SGTA: variants seen among roughly 807,000 people sequenced by gnomAD.
SGTA encodes the protein small glutamine rich tetratricopeptide repeat co-chaperone alpha, also known as small glutamine-rich tetratricopeptide repeat-containing protein alpha.
SGTA carries 22 observed loss-of-function variants against 44.3 expected under a neutral mutation model. The observed-to-expected ratio is 0.50, with a 90% CI of 0.36 to 0.71. The LOEUF (loss-of-function observed/expected upper bound fraction) is 0.71, where lower values mean the gene tolerates loss of function less well. Among genes scored for constraint, SGTA ranks in the 30% least tolerant of loss-of-function variants. The probability of loss-of-function intolerance (pLI) is 0.00; values close to 1 mark genes in which losing one functional copy is unlikely to be tolerated. For missense variants in SGTA, 341 were observed against 435.9 expected, an observed-to-expected ratio of 0.78 and a Z score of 1.94; for synonymous variants, 174 against 177.6, an observed-to-expected ratio of 0.98 and a Z score of 0.16.
At chr19:2,766,007 A>G (rs1915131734) in intron 4 of SGTA, among the ~76,000 whole-genome samples, 4 of 152,184 alleles carry the variant, frequency 2.6e-5, no homozygotes, top group South Asian at 4.1e-4. Context: ...TCGCAAGATC[A>G]GGAGACCAAG....
chr19:2,766,996 CCCA>C, intron 4 of SGTA, 137 bp downstream of exon 4: 2 of 702,554 alleles, frequency 2.8e-6, no homozygotes, highest in Non-Finnish European at 5.2e-6. Context: ...CGTCCCCGTC[CCCA>C]CAAGCCAGCG....
chr19:2,769,809 T>G (rs1191786339), intron 1 of SGTA, among the ~76,000 whole-genome samples: 23 of 45,964 alleles, frequency 5.0e-4, no homozygotes, highest in East Asian at 2.3e-3. Flanking sequence ...TTCCCCCACC[T>G]GACACCCTCC....
intron 11 of SGTA, among the ~76,000 whole-genome samples, chr19:2,756,606 G>A (rs1914824713): frequency 6.6e-6 from 1 of 152,182 alleles, no homozygotes; most frequent in Admixed American, 6.5e-5. Flanking sequence ...GGAGCAGAAT[G>A]GAAACACCTC....
In SGTA at chr19:2,755,337, A is replaced by G; in HGVS notation, c.*603T>C. On this transcript the variant is annotated 3_prime_UTR_variant, in exon 12 of 12. Transcript: ENST00000221566. This position sits in a 1 kb window ranked among gnomAD's most constrained non-coding sequence, Gnocchi z 5.2. ...TCCTATGCACCCAGGACGGCTCCTG[A>G]GCCGCGGAGGCGTGGGGTGACCGCA... 1.1e-6 allele frequency: 1 copy of G among 925,646 alleles called. No homozygotes were observed. The highest frequency in any genetic ancestry group is 2.9e-4 in the Middle Eastern group (1 of 3,440). 57.3% of individuals were successfully genotyped at this position (925,646 alleles called of 1,614,324 possible). A position where few individuals can be genotyped will look rare whatever the true frequency, so the allele number is the denominator to read the frequency against.
rs920458067 is a variant in SGTA, at chr19:2,761,735, G to A, written c.637-213C>T. Reference sequence around the variant, plus strand: ...CCCGTGTTTATTCCCCGCACAGCGCGACCGCCCGGGGACGGCACAGTCTAT... The same window carrying A: ...CCCGTGTTTATTCCCCGCACAGCGCAACCGCCCGGGGACGGCACAGTCTAT... On this transcript the variant is annotated intron_variant, in intron 7 of 11. Transcript: ENST00000221566. This position sits in a 1 kb window ranked among gnomAD's most constrained non-coding sequence, Gnocchi z 5.7. Among the ~76,000 whole-genome samples, 5 of 146,180 alleles carry A rather than the reference G, an allele frequency of 3.4e-5. No individual in the cohort carries two copies. Among genetic ancestry groups the A allele is most frequent in the East Asian group, 2.1e-4 (1 of 4,832 alleles).
chr19:2,757,497 G>T, intron 10 of SGTA, 40 bp from the exon 11 acceptor site: 1 of 1,597,226 alleles, frequency 6.3e-7, no homozygotes, highest in Non-Finnish European at 8.5e-7. Flanking sequence ...AGGGCCAGGA[G>T]GCTGCCTGCT....
intron 1 of SGTA, among the ~76,000 whole-genome samples, chr19:2,776,168 T>C (rs1488777990): frequency 1.3e-5 from 2 of 152,242 alleles, no homozygotes; most frequent in African/African-American, 2.4e-5. Context: ...TCAGGTCTCC[T>C]GACCCCCAAG....
At position 2,757,765 on chromosome 19, in the gene SGTA, G is replaced by A. The variant is rs1390800497; in HGVS notation, c.755C>T (p.Ser252Leu). ...QIQQLMSGMISGGNNPLGTPG... is the reference protein window; with the variant it reads ...QIQQLMSGMILGGNNPLGTPG... ...AGTTCCCAAGGGGTTGTTGCCACCCGAAATCATGCCGGACATGCTGCAGGA... is the reference window on the plus strand; with the variant it reads ...AGTTCCCAAGGGGTTGTTGCCACCCAAAATCATGCCGGACATGCTGCAGGA... The change falls in exon 10 of 12, where the codon TCG (serine) becomes TTG (leucine). Residue 252 changes from serine (S) to leucine (L), a missense_variant. Transcript: ENST00000221566. 5.6e-6 allele frequency: 9 copies of A among 1,601,704 alleles called. No homozygotes were observed. Among genetic ancestry groups the A allele is most frequent in the African/African-American group, 2.7e-5 (2 of 74,730 alleles).
chr19:2,769,237 C>T lies in SGTA; in HGVS notation c.-23-146G>A, dbSNP rs186368656. ...CAGCCCAGGTAGAAAGGCCTTAATA[C>T]GCCCATTTCACAGATGATGACCTGA... On this transcript the variant is annotated intron_variant, in intron 1 of 11. Coordinates refer to ENST00000221566, the MANE Select transcript of SGTA (RefSeq NM_003021.4). The T allele has an allele frequency of 8.7e-4, 520 of 597,726 alleles. 3 individuals carry two copies. The Middle Eastern group carries it at 0.025, about 28-fold the overall frequency. The allele number at this position is 597,726 out of a possible 1,614,324, so 37.0% of individuals were successfully genotyped here.
chr19:2,774,879 TG>T (rs1351584727), intron 1 of SGTA, among the ~76,000 whole-genome samples: 1 of 152,184 alleles, frequency 6.6e-6, no homozygotes, highest in Non-Finnish European at 1.5e-5. Flanking sequence ...TGTGCGTGCA[TG>T]TCTCTCCAGA....
At chr19:2,770,809 G>C (rs11880401) in intron 1 of SGTA, 6 of 153,282 alleles carry the variant, frequency 3.9e-5, no homozygotes, top group African/African-American at 1.2e-4. Context: ...CCAGCAGCTG[G>C]AAGAGGCAGG....
In SGTA at chr19:2,759,256, C is replaced by T; in HGVS notation, c.737+1G>A. 1 of 1,614,022 alleles carries T rather than the reference C, an allele frequency of 6.2e-7. No homozygotes were observed. The highest frequency in any genetic ancestry group is 8.5e-7 in the Non-Finnish European group (1 of 1,179,892). ...CCCGAAGAAACCCGGTTGTCACTTACAGCTGCTGAATCTGGGGATTGTTCA... is the reference window on the plus strand; with the variant it reads ...CCCGAAGAAACCCGGTTGTCACTTATAGCTGCTGAATCTGGGGATTGTTCA... On this transcript the variant is annotated splice_donor_variant, in intron 9 of 11. Transcript: ENST00000221566. LOFTEE classifies it high-confidence loss of function.
At chr19:2,759,115 G>A in intron 9 of SGTA, 142 bp downstream of exon 9, 1 of 699,484 alleles carries the variant, frequency 1.4e-6, no homozygotes, top group South Asian at 1.9e-5. Flanking sequence ...TGATAGTGGT[G>A]ACAGTTGCAT....
chr19:2,780,310 C>T lies in SGTA; in HGVS notation c.-24+2923G>A, dbSNP rs189562601. On this transcript the variant is annotated intron_variant, in intron 1 of 11. Transcript: ENST00000221566. The stretch of plus-strand genomic sequence containing the variant: ...CTCACCAACAGCAGGGCAGGAGAGC[C>T]GGGTGCCCTGCTCCTCACTCCCTCT... Among the ~76,000 whole-genome samples the T allele has an allele frequency of 2.3e-3, 353 of 152,266 alleles. 2 individuals carry two copies. The highest frequency in any genetic ancestry group is 7.9e-3 in the African/African-American group (329 of 41,542).
At chr19:2,770,507 C>G (rs1297138936) in intron 1 of SGTA, 1 of 152,592 alleles carries the variant, frequency 6.6e-6, no homozygotes, top group Non-Finnish European at 1.5e-5. Flanking sequence ...TCCATTTCCC[C>G]CGAAGGCTGG....
rs1599503164 is a variant in SGTA at position 2,769,034 on chromosome 19, A to G, written c.35T>C (p.Ile12Thr). ...DNKKRLAYAI[I>T]QFLHDQLRHG... ...CCGGAGCTGGTCATGCAGGAACTGGATGATGGCGTAGGCCAGGCGCTTCTT... is the reference window on the plus strand; with the variant it reads ...CCGGAGCTGGTCATGCAGGAACTGGGTGATGGCGTAGGCCAGGCGCTTCTT... The change falls in exon 2 of 12, where the codon ATC (isoleucine) becomes ACC (threonine). Residue 12 changes from isoleucine (I) to threonine (T), a missense_variant. Ile to Thr is a moderately conservative substitution (Grantham distance 89). Coordinates refer to ENST00000221566, the MANE Select transcript of SGTA (RefSeq NM_003021.4). 6.2e-7 allele frequency: 1 copy of G among 1,614,000 alleles called. No homozygotes were observed. The highest frequency in any genetic ancestry group is 8.5e-7 in the Non-Finnish European group (1 of 1,179,944).
intron 1 of SGTA, among the ~76,000 whole-genome samples, chr19:2,779,050 C>G (rs889865697): frequency 1.3e-5 from 2 of 152,180 alleles, no homozygotes; most frequent in African/African-American, 2.4e-5. Context: ...TGGCTCCCCC[C>G]ACTGCACACC....
intron 1 of SGTA, among the ~76,000 whole-genome samples, chr19:2,779,648 G>A (rs903596032): frequency 3.3e-5 from 5 of 152,264 alleles, no homozygotes; most frequent in African/African-American, 4.8e-5. Context: ...AGAAGTGAGG[G>A]TGGGAGGGTG....
rs1170671744 is a variant in SGTA at position 2,765,469 on chromosome 19, G to A, written c.293-184C>T. On this transcript the variant is annotated intron_variant, in intron 4 of 11. Transcript: ENST00000221566. The surrounding 1 kb of genome is among the most constrained non-coding windows in gnomAD (Gnocchi z 5.5). ...AGGCATCTGCATCTATAGGGGGTTC[G>A]CTAGTCGCAAACAATCATATCTACA... 1.2e-4 allele frequency among the ~76,000 whole-genome samples: 19 copies of A among 152,148 alleles called. No homozygotes were observed. The highest frequency in any genetic ancestry group is 2.1e-4 in the South Asian group (1 of 4,834).
Sources: gnomAD v4.1 joint callset for allele counts (sites outside exome capture counted in the v4.1 genomes callset) on GRCh38, gnomAD v4.1.1 for gene constraint, Gnocchi (gnomAD v3.1) non-coding constraint, MANE v1.5 for transcripts, NCBI Gene and HGNC (gene_info 2026-07-23, HGNC 2026-07-21) for gene names.